The following CD163L1 variants were observed in gnomAD, a reference collection of about 807,000 sequenced individuals.
The protein encoded by CD163L1 is CD163 molecule like 1, also known as scavenger receptor cysteine-rich type 1 protein M160.
In CD163L1, 124 loss-of-function variants were observed where a neutral mutation model predicts 165.4. That is an observed-to-expected ratio of 0.75 (90% CI 0.65 to 0.87). The LOEUF (loss-of-function observed/expected upper bound fraction) is 0.87, where lower values mean the gene tolerates loss of function less well. Among genes scored for constraint, CD163L1 ranks in the 40% least tolerant of loss-of-function variants. The pLI is 0.00. For synonymous variants in CD163L1, 585 were observed against 662.2 expected (o/e 0.88, Z 1.79); for missense variants, 1,525 against 1,799.9 (o/e 0.85, Z 2.76).
intron 8 of CD163L1, among the ~76,000 whole-genome samples, chr12:7,388,980 C>T (rs746392518): frequency 5.6e-4 from 86 of 152,260 alleles, no homozygotes; most frequent in African/African-American, 1.8e-3. Flanking sequence ...TGTATATGTA[C>T]CACATTTTCC....
At chr12:7,381,813 C>G (rs1947414557) in intron 8 of CD163L1, among the ~76,000 whole-genome samples, 2 of 151,718 alleles carry the variant, frequency 1.3e-5, no homozygotes, top group African/African-American at 4.8e-5. Flanking sequence ...ATGAACTACT[C>G]TAAATATAAG....
intron 18 of CD163L1, among the ~76,000 whole-genome samples, chr12:7,358,711 A>G (rs957658769): frequency 3.3e-5 from 5 of 152,158 alleles, no homozygotes; most frequent in African/African-American, 1.2e-4. Context: ...ATTACAAGGC[A>G]CACTGAAAGA....
intron 1 of CD163L1, among the ~76,000 whole-genome samples, chr12:7,442,915 GAGA>G (rs755699264): frequency 7.9e-5 from 12 of 152,204 alleles, no homozygotes; most frequent in Middle Eastern, 3.2e-3. Flanking sequence ...GGAAATTCTT[GAGA>G]AGGAGAATTA....
In CD163L1 at chr12:7,357,424, C is replaced by T; in HGVS notation, c.4342G>A (p.Ala1448Thr). 6.2e-7 allele frequency: 1 copy of T among 1,612,656 alleles called. No individual in the cohort carries two copies. The highest frequency in any genetic ancestry group is 8.5e-7 in the Non-Finnish European group (1 of 1,179,082). ...TAAAGTCATTTTGTGGCTTCAGAGG[C>T]AGGAAGAACTCCCAACAGCGATGTG... ...SDTSLLGVLP[A>T]SEATK Residue 1448 changes from alanine to threonine, a missense_variant, in exon 19 of 20, where the codon GCC (alanine) becomes ACC (threonine). Physicochemically the swap from Ala to Thr is moderately conservative, Grantham distance 58. Coordinates refer to ENST00000313599, the MANE Select transcript of CD163L1 (RefSeq NM_174941.6).
intron 14 of CD163L1, among the ~76,000 whole-genome samples, chr12:7,370,182 A>G (rs1395277169): frequency 2.6e-5 from 4 of 152,200 alleles, no homozygotes; most frequent in African/African-American, 9.6e-5. Flanking sequence ...CAAATGAACA[A>G]TGCTTTGGCA....
At chr12:7,337,716 T>G in the CD163L1 span, among the ~76,000 whole-genome samples, 1 of 151,830 alleles carries the variant, frequency 6.6e-6, no homozygotes, top group Non-Finnish European at 1.5e-5. Flanking sequence ...TACACTGTTA[T>G]TAGTAGTGTA....
chr12:7,435,603 A>T (rs1222484521), intron 2 of CD163L1, among the ~76,000 whole-genome samples: 1 of 152,070 alleles, frequency 6.6e-6, no homozygotes, highest in Non-Finnish European at 1.5e-5. Flanking sequence ...TCATATCCTC[A>T]TACATATATT....
the CD163L1 span, among the ~76,000 whole-genome samples, chr12:7,321,798 A>G: frequency 6.6e-6 from 1 of 152,218 alleles, no homozygotes; most frequent in Admixed American, 6.5e-5. Flanking sequence ...TTGGACACTC[A>G]AGATAACCTT....
At chr12:7,324,165 A>AG in the CD163L1 span, 2 of 1,392,086 alleles carry the variant, frequency 1.4e-6, no homozygotes, top group Non-Finnish European at 1.9e-6. Context: ...CAAAAAAAAA[A>AG]AAATTTCCTA....
chr12:7,410,604 C>CAA (rs140470376), intron 4 of CD163L1, among the ~76,000 whole-genome samples: 9 of 109,404 alleles, frequency 8.2e-5, no homozygotes, highest in Middle Eastern at 5.7e-3. Context: ...AGTCCATATC[C>CAA]AAAAAAAAAA....
intron 4 of CD163L1, among the ~76,000 whole-genome samples, chr12:7,348,782 C>T (rs1028483305): frequency 6.6e-6 from 1 of 150,956 alleles, no homozygotes; most frequent in African/African-American, 2.4e-5. Flanking sequence ...AGCTGGAAGG[C>T]CCTCACAAAG....
At chr12:7,425,876 G>A (rs1197325377) in intron 4 of CD163L1, among the ~76,000 whole-genome samples, 1 of 152,192 alleles carries the variant, frequency 6.6e-6, no homozygotes, top group African/African-American at 2.4e-5. Context: ...CATTGTGGAA[G>A]ACTGTGGTGA....
chr12:7,343,950 T>A (rs1010638056), downstream of CD163L1, among the ~76,000 whole-genome samples: 9 of 152,308 alleles, frequency 5.9e-5, no homozygotes, highest in African/African-American at 2.2e-4. Context: ...ACTCACTTTA[T>A]TTACTTCCAA....
the CD163L1 span, among the ~76,000 whole-genome samples, chr12:7,329,525 A>C: frequency 6.6e-6 from 1 of 152,008 alleles, no homozygotes; most frequent in Non-Finnish European, 1.5e-5. Flanking sequence ...TTAGAGAAAC[A>C]TATATTAAAA....
At chr12:7,437,234 T>TTAAA (rs59255395) in intron 2 of CD163L1, among the ~76,000 whole-genome samples, 21 of 120,600 alleles carry the variant, frequency 1.7e-4, no homozygotes, top group African/African-American at 4.9e-4. Context: ...TTAAAAGTAT[T>TTAAA]TACTTTTAAA....
rs948289369 is a variant in CD163L1, at chr12:7,347,570, G to T, written c.*25-423C>A. On this transcript the variant is annotated intron_variant, in intron 4 of 4. Coordinates refer to the CD163L1 transcript ENST00000539726. This position sits in a 1 kb window ranked among gnomAD's most constrained non-coding sequence, Gnocchi z 4.2. The stretch of plus-strand genomic sequence containing the variant: ...CGAGGCAGGTGGATCACGAGGTCAG[G>T]AGATCGAGACCACGTTGAAACCCCG... 6.6e-6 allele frequency among the ~76,000 whole-genome samples: 1 copy of T among 152,038 alleles called. No homozygotes were observed. Among genetic ancestry groups the T allele is most frequent in the Non-Finnish European group, 1.5e-5 (1 of 67,984 alleles).
intron 4 of CD163L1, among the ~76,000 whole-genome samples, chr12:7,349,743 T>C (rs149953881): frequency 1.6e-4 from 25 of 152,304 alleles, no homozygotes; most frequent in African/African-American, 5.8e-4. Flanking sequence ...GAATAAATTA[T>C]TTTTCAGAAA....
intron 14 of CD163L1, among the ~76,000 whole-genome samples, chr12:7,371,202 C>T (rs772834805): frequency 6.6e-6 from 1 of 152,280 alleles, no homozygotes; most frequent in East Asian, 1.9e-4. Flanking sequence ...ATAAATTACC[C>T]AGTCTCTGGT....
At chr12:7,330,620 G>A in the CD163L1 span, among the ~76,000 whole-genome samples, 3 of 152,192 alleles carry the variant, frequency 2.0e-5, no homozygotes, top group Non-Finnish European at 4.4e-5. Context: ...TTCAGGCTGA[G>A]CAAATTTAGA....
Sources: gnomAD v4.1 joint callset for allele counts (sites outside exome capture counted in the v4.1 genomes callset) on GRCh38, gnomAD v4.1.1 for gene constraint, Gnocchi (gnomAD v3.1) non-coding constraint, MANE v1.5 for transcripts, NCBI Gene and HGNC (gene_info 2026-07-23, HGNC 2026-07-21) for gene names.